KCNQ3: variants seen among roughly 807,000 people sequenced by gnomAD.
KCNQ3 encodes potassium voltage-gated channel subfamily Q member 3.
Under a neutral mutation model 92.5 loss-of-function variants are expected in KCNQ3, and 30 were observed. The observed-to-expected ratio is 0.32, with a 90% CI of 0.24 to 0.44. The LOEUF is 0.44. Among genes scored for constraint, KCNQ3 ranks in the 20% least tolerant of loss-of-function variants. KCNQ3 has a pLI of 1.00. For synonymous variants in KCNQ3, 450 were observed against 468.8 expected, an observed-to-expected ratio of 0.96 and a Z score of 0.52; for missense variants, 913 against 1,140.3, an observed-to-expected ratio of 0.80 and a Z score of 2.87.
At chr8:132,467,559 G>C (rs1822201865) in intron 1 of KCNQ3, among the ~76,000 whole-genome samples, 1 of 152,178 alleles carries the variant, frequency 6.6e-6, no homozygotes, top group African/African-American at 2.4e-5. Context: ...TCAGCAGAAA[G>C]AGAAGCCTTC....
intron 1 of KCNQ3, among the ~76,000 whole-genome samples, chr8:132,319,834 C>G (rs1022592599): frequency 2.0e-5 from 3 of 152,164 alleles, no homozygotes; most frequent in Non-Finnish European, 4.4e-5. Flanking sequence ...GGCCTGAAGC[C>G]TATTCAGGAC....
chr8:132,411,677 C>T (rs949658878), intron 1 of KCNQ3, among the ~76,000 whole-genome samples: 11 of 152,150 alleles, frequency 7.2e-5, no homozygotes, highest in African/African-American at 2.4e-4. Flanking sequence ...CCTCCTGTCT[C>T]CACCTCCCTC....
chr8:132,174,752 G>A (rs1399460166), intron 5 of KCNQ3, among the ~76,000 whole-genome samples: 2 of 152,178 alleles, frequency 1.3e-5, no homozygotes, highest in South Asian at 2.1e-4. Flanking sequence ...GGTGTGTTTA[G>A]TATATTCTTG....
intron 1 of KCNQ3, among the ~76,000 whole-genome samples, chr8:132,338,152 G>A (rs1051386097): frequency 2.0e-5 from 3 of 152,190 alleles, no homozygotes; most frequent in African/African-American, 7.2e-5. Context: ...GCACTTTGTA[G>A]ATATCCATTT....
At chr8:132,472,486 T>C (rs1822318993) in intron 1 of KCNQ3, among the ~76,000 whole-genome samples, 1 of 152,174 alleles carries the variant, frequency 6.6e-6, no homozygotes. Flanking sequence ...AGTCATTATG[T>C]TAAATGAAAT....
intron 1 of KCNQ3, among the ~76,000 whole-genome samples, chr8:132,220,208 T>C (rs766430200): frequency 1.3e-5 from 2 of 152,094 alleles, no homozygotes; most frequent in Non-Finnish European, 2.9e-5. Flanking sequence ...GGGTGAGTTC[T>C]TACAAGCAGT....
chr8:132,221,224 C>T (rs936785014), intron 1 of KCNQ3, among the ~76,000 whole-genome samples: 2 of 152,164 alleles, frequency 1.3e-5, no homozygotes, highest in Non-Finnish European at 2.9e-5. Flanking sequence ...CATTGATGGA[C>T]ATATAGGTTG....
intron 1 of KCNQ3, among the ~76,000 whole-genome samples, chr8:132,282,069 C>T (rs1816538826): frequency 6.6e-6 from 1 of 152,156 alleles, no homozygotes; most frequent in Non-Finnish European, 1.5e-5. Context: ...TATACTGGCC[C>T]ATCACATATG....
At chr8:132,296,990 G>C (rs1817052049) in intron 1 of KCNQ3, among the ~76,000 whole-genome samples, 1 of 152,052 alleles carries the variant, frequency 6.6e-6, no homozygotes, top group African/African-American at 2.4e-5. Flanking sequence ...GGTTGAACTA[G>C]TTTACAGTCC....
chr8:132,319,961 C>T (rs1817853727), intron 1 of KCNQ3, among the ~76,000 whole-genome samples: 1 of 152,182 alleles, frequency 6.6e-6, no homozygotes, highest in South Asian at 2.1e-4. Flanking sequence ...TGGTGGCTAG[C>T]CTTGGACAAA....
chr8:132,449,088 T>C (rs900849064), intron 1 of KCNQ3, among the ~76,000 whole-genome samples: 4 of 152,176 alleles, frequency 2.6e-5, no homozygotes, highest in African/African-American at 7.2e-5. Context: ...TCAGCTACGA[T>C]GTGGGGATAA....
At chr8:132,230,730 G>C (rs1362675201) in intron 1 of KCNQ3, among the ~76,000 whole-genome samples, 1 of 152,186 alleles carries the variant, frequency 6.6e-6, no homozygotes, top group South Asian at 2.1e-4. Context: ...CTGATTTTGT[G>C]TGTGTGTATA....
chr8:132,409,078 TC>T (rs1294242658), intron 1 of KCNQ3, among the ~76,000 whole-genome samples: 1 of 152,206 alleles, frequency 6.6e-6, no homozygotes, highest in Non-Finnish European at 1.5e-5. Flanking sequence ...CAGTAAAATC[TC>T]AAAGAGTCCT....
chr8:132,226,884 T>C (rs138620512), intron 1 of KCNQ3, among the ~76,000 whole-genome samples: 78 of 152,190 alleles, frequency 5.1e-4, no homozygotes, highest in African/African-American at 1.9e-3. Flanking sequence ...TTTAGAAATA[T>C]CACATCCATT....
rs1217299977 is a variant in KCNQ3 at position 132,124,687 on chromosome 8, T to C, written c.*4575A>G. ...TCAGCAACAATAGCATTGGGTTGAT[T>C]TGAATATAAACAACTTAGACTTTAA... On this transcript the variant is annotated 3_prime_UTR_variant, in exon 15 of 15. Transcript: ENST00000388996. 1 of 152,236 alleles carries C rather than the reference T, an allele frequency of 6.6e-6. No homozygotes were observed. The highest frequency in any genetic ancestry group is 1.5e-5 in the Non-Finnish European group (1 of 68,042). The allele number at this position is 152,236 out of a possible 1,614,324, so 9.4% of individuals were successfully genotyped here.
chr8:132,315,381 G>A (rs1054333814), intron 1 of KCNQ3, among the ~76,000 whole-genome samples: 2 of 152,096 alleles, frequency 1.3e-5, no homozygotes, highest in Non-Finnish European at 2.9e-5. Context: ...TTCTGCCTGG[G>A]GGGCCGTAGG....
chr8:132,383,212 G>A (rs1410016016), intron 1 of KCNQ3, among the ~76,000 whole-genome samples: 5 of 152,214 alleles, frequency 3.3e-5, no homozygotes, highest in African/African-American at 1.2e-4. Flanking sequence ...TCCAAGATAA[G>A]GGGAACAGAA....
chr8:132,398,164 T>G (rs1820241805), intron 1 of KCNQ3, among the ~76,000 whole-genome samples: 1 of 152,130 alleles, frequency 6.6e-6, no homozygotes, highest in Admixed American at 6.5e-5. Flanking sequence ...TTGTCAAAAG[T>G]AAACACAACT....
chr8:132,285,268 G>A (rs1394165021), intron 1 of KCNQ3, among the ~76,000 whole-genome samples: 1 of 152,166 alleles, frequency 6.6e-6, no homozygotes, highest in Non-Finnish European at 1.5e-5. Flanking sequence ...AAGACGAGAA[G>A]GTTACAGAAA....
Sources: gnomAD v4.1 joint callset for allele counts (sites outside exome capture counted in the v4.1 genomes callset) on GRCh38, gnomAD v4.1.1 for gene constraint, MANE v1.5 for transcripts, NCBI Gene and HGNC (gene_info 2026-07-23, HGNC 2026-07-21) for gene names.